The following MYOF variants were observed in gnomAD, a reference collection of about 807,000 sequenced individuals.
The protein encoded by MYOF is fer-1-like 3, myoferlin.
MYOF carries 244 observed loss-of-function variants against 284.2 expected under a neutral mutation model. That is an observed-to-expected ratio of 0.86 (90% CI 0.77 to 0.95). The LOEUF is 0.95. Among genes scored for constraint, MYOF ranks in the 40% least tolerant of loss-of-function variants. The pLI is 0.00. For missense variants in MYOF, 2,496 were observed against 2,560.6 expected (o/e 0.97, Z 0.54); for synonymous variants, 904 against 919.7 (o/e 0.98, Z 0.31).
At position 93,359,693 on chromosome 10, in the gene MYOF, G is replaced by A. The variant is rs193138015; in HGVS notation, c.3120+140C>T. 1,266 of 1,056,052 alleles carry A rather than the reference G, an allele frequency of 1.2e-3. 12 individuals are homozygous for A. In the Admixed American group the frequency reaches 0.017, roughly 14 times the overall value. The allele number at this position is 1,056,052 out of a possible 1,614,324, so 65.4% of individuals were successfully genotyped here. The stretch of plus-strand genomic sequence containing the variant: ...GATGATGATATTGCTGGCTGGGGTG[G>A]GCTCACTTTGAGAACCCTTGAGTGG... On this transcript the variant is annotated intron_variant, in intron 29 of 53. Coordinates refer to ENST00000359263, the MANE Select transcript of MYOF (RefSeq NM_013451.4).
At chr10:93,454,727 C>CA (rs973591215) in intron 2 of MYOF, among the ~76,000 whole-genome samples, 1 of 152,072 alleles carries the variant, frequency 6.6e-6, no homozygotes, top group Non-Finnish European at 1.5e-5. Context: ...CCTGTAAACT[C>CA]AGCACTTTGG....
At chr10:93,319,604 C>T (rs548778315) in intron 49 of MYOF, among the ~76,000 whole-genome samples, 4 of 152,048 alleles carry the variant, frequency 2.6e-5, no homozygotes, top group Non-Finnish European at 4.4e-5. Context: ...AATACAAAAC[C>T]GTTACTTCTA....
intron 5 of MYOF, among the ~76,000 whole-genome samples, chr10:93,425,046 C>T (rs1253040583): frequency 7.2e-6 from 1 of 139,574 alleles, no homozygotes; most frequent in East Asian, 2.2e-4. Context: ...TCAAGCAATT[C>T]TCCTGTCTCA....
intron 1 of MYOF, among the ~76,000 whole-genome samples, chr10:93,477,716 G>A (rs1484327569): frequency 3.3e-5 from 5 of 151,650 alleles, no homozygotes; most frequent in East Asian, 1.9e-4. Context: ...GCGTGATGGC[G>A]GGCGCCTGTA....
chr10:93,381,212 A>G lies in MYOF; in HGVS notation c.1876+7T>C, dbSNP rs763565120. On this transcript the variant is annotated splice_region_variant and intron_variant, in intron 20 of 53. Transcript: ENST00000359263. ...CGTGTGGAGAGAACTGTTAGTGCCA[A>G]TCTTACCATCAAATACAGCACGGCT... The G allele has an allele frequency of 1.7e-5, 28 of 1,613,980 alleles. 1 individual carries two copies. In the South Asian group the frequency reaches 2.9e-4, roughly 16 times the overall value.
intron 19 of MYOF, among the ~76,000 whole-genome samples, chr10:93,384,800 G>A (rs1404442724): frequency 2.0e-5 from 3 of 152,196 alleles, no homozygotes; most frequent in Non-Finnish European, 4.4e-5. Context: ...GCAAAAGGAG[G>A]TGATTTCTGT....
intron 1 of MYOF, among the ~76,000 whole-genome samples, chr10:93,478,800 C>T (rs1477506743): frequency 9.4e-5 from 5 of 53,226 alleles, no homozygotes; most frequent in African/African-American, 3.8e-4. Context: ...ACTCTTCCCT[C>T]CTGGATGGCA....
intron 23 of MYOF, among the ~76,000 whole-genome samples, chr10:93,373,620 T>C (rs1393536562): frequency 6.6e-6 from 1 of 152,220 alleles, no homozygotes; most frequent in African/African-American, 2.4e-5. Context: ...AAGTCCACTA[T>C]AGAACACTGT....
intron 22 of MYOF, among the ~76,000 whole-genome samples, chr10:93,376,195 G>A (rs1845826694): frequency 6.6e-6 from 1 of 152,214 alleles, no homozygotes; most frequent in African/African-American, 2.4e-5. Context: ...CTCCATGAAA[G>A]TTATTACCAA....
chr10:93,391,838 G>A (rs1846702647), intron 17 of MYOF, among the ~76,000 whole-genome samples: 1 of 152,102 alleles, frequency 6.6e-6, no homozygotes, highest in Non-Finnish European at 1.5e-5. Context: ...TTACCTTTTT[G>A]AATCCCCTTC....
At chr10:93,350,499 G>A (rs1844457215) in intron 35 of MYOF, among the ~76,000 whole-genome samples, 1 of 152,014 alleles carries the variant, frequency 6.6e-6, no homozygotes. Context: ...TTTTAGTAGA[G>A]GCAGGGTTCC....
intron 21 of MYOF, among the ~76,000 whole-genome samples, chr10:93,377,945 AT>A (rs1379105883): frequency 3.3e-5 from 5 of 152,200 alleles, no homozygotes; most frequent in African/African-American, 1.2e-4. Context: ...CTTTTAATAT[AT>A]TGATAGATAT....
intron 20 of MYOF, 26 bp downstream of exon 20, chr10:93,381,193 G>C (rs1354490066): frequency 5.0e-6 from 8 of 1,612,898 alleles, no homozygotes; most frequent in Middle Eastern, 3.4e-4. Flanking sequence ...TAAACGTGTG[G>C]AGAGAACTGT....
Position 93,401,411 on chromosome 10 carries a change from T to C in MYOF, c.1117+7A>G. On this transcript the variant is annotated splice_region_variant and intron_variant, in intron 12 of 53. Coordinates refer to ENST00000359263, the MANE Select transcript of MYOF (RefSeq NM_013451.4). The stretch of plus-strand genomic sequence containing the variant: ...CAATTCTGGGGCAAGATTAAATCAG[T>C]ACATACTCTGGGGGATGTCCTCAGC... The C allele has an allele frequency of 6.2e-7, 1 of 1,614,034 alleles. No homozygotes were observed.
chr10:93,407,408 A>G (rs1222577476), intron 7 of MYOF, among the ~76,000 whole-genome samples: 63 of 120,704 alleles, frequency 5.2e-4, no homozygotes, highest in African/African-American at 2.0e-3. Flanking sequence ...AGCCTTGGCA[A>G]CAGAGACTCT....
At chr10:93,383,889 GCCGGCTCTAC>G (rs1846236844) in intron 19 of MYOF, among the ~76,000 whole-genome samples, 1 of 152,124 alleles carries the variant, frequency 6.6e-6, no homozygotes, top group Non-Finnish European at 1.5e-5. Context: ...TCCCAGCTGG[GCCGGCTCTAC>G]CCCGTAGGCC....
intron 4 of MYOF, among the ~76,000 whole-genome samples, chr10:93,426,884 C>CTTTTTTTT (rs1169014883): frequency 4.8e-5 from 5 of 104,752 alleles, no homozygotes; most frequent in Non-Finnish European, 9.2e-5. Context: ...ACGAGACTGT[C>CTTTTTTTT]TTTTTTTTTT....
intron 38 of MYOF, 88 bp from the exon 39 acceptor site, chr10:93,340,252 G>T: frequency 1.4e-6 from 2 of 1,393,444 alleles, no homozygotes; most frequent in South Asian, 1.2e-5. Flanking sequence ...GAAGTTTAAA[G>T]AGAAAGAAGC....
chr10:93,478,879 T>C (rs578081462), intron 1 of MYOF, among the ~76,000 whole-genome samples: 1 of 87,890 alleles, frequency 1.1e-5, no homozygotes, highest in East Asian at 2.5e-4. Context: ...CACGAAAAAC[T>C]GAGGTCAACT....
Sources: allele counts gnomAD v4.1 joint callset (sites outside exome capture counted in the v4.1 genomes callset), GRCh38; gene constraint gnomAD v4.1.1; transcripts MANE v1.5; gene names NCBI Gene and HGNC (gene_info 2026-07-23, HGNC 2026-07-21).